The following DOCK2 variants were observed in gnomAD, a reference collection of about 807,000 sequenced individuals.
The protein encoded by DOCK2 is dedicator of cytokinesis 2.
A neutral mutation model predicts 248.9 loss-of-function variants in DOCK2; 87 were observed. That is an observed-to-expected ratio of 0.35 (90% confidence interval 0.29 to 0.42). DOCK2 has a LOEUF of 0.42. Ranked by LOEUF, DOCK2 falls within the 10% of genes least tolerant of loss-of-function variation. The probability of loss-of-function intolerance (pLI) is 1.00; values close to 1 mark genes in which losing one functional copy is unlikely to be tolerated. For missense variants in DOCK2, 1,747 were observed against 2,300.2 expected (o/e 0.76, Z 4.92); for synonymous variants, 805 against 821.6 (o/e 0.98, Z 0.35).
chr5:169,650,734 T>C (rs545202099), intron 1 of DOCK2, among the ~76,000 whole-genome samples: 1 of 152,204 alleles, frequency 6.6e-6, no homozygotes, highest in Non-Finnish European at 1.5e-5. Flanking sequence ...AACATCCCTT[T>C]GATCCTTGGC....
At chr5:170,062,141 G>GAC (rs1561903949) in intron 44 of DOCK2, among the ~76,000 whole-genome samples, 1 of 151,578 alleles carries the variant, frequency 6.6e-6, no homozygotes, top group African/African-American at 2.4e-5. Flanking sequence ...GAGAGAGAGA[G>GAC]AGAGAGACAG....
At position 169,882,147 on chromosome 5, in the gene DOCK2, A is replaced by G. The variant is rs1025345170; in HGVS notation, c.2799+41295A>G. Reference sequence around the variant, plus strand: ...TGGCCATCTCAAGTCCTTTGTCACAATGACATGAAGAACAGAAATACTGTA... The same window carrying G: ...TGGCCATCTCAAGTCCTTTGTCACAGTGACATGAAGAACAGAAATACTGTA... On this transcript the variant is annotated intron_variant, in intron 27 of 51. Coordinates refer to ENST00000520908, the MANE Select transcript of DOCK2 (RefSeq NM_004946.3). 3.3e-5 allele frequency among the ~76,000 whole-genome samples: 5 copies of G among 152,194 alleles called. No individual in the cohort carries two copies. The South Asian group carries it at 8.3e-4, about 25-fold the overall frequency.
At chr5:169,826,770 A>G (rs1226348205) in intron 26 of DOCK2, among the ~76,000 whole-genome samples, 10 of 152,132 alleles carry the variant, frequency 6.6e-5, no homozygotes. Context: ...GCAAAGAACT[A>G]TGTTGCATGT....
chr5:169,649,510 C>T (rs1024213585), intron 1 of DOCK2, among the ~76,000 whole-genome samples: 1 of 152,182 alleles, frequency 6.6e-6, no homozygotes, highest in Non-Finnish European at 1.5e-5. Flanking sequence ...GTGGGCCAGG[C>T]GCTAGGAATT....
chr5:170,027,055 C>G (rs1755944575), intron 33 of DOCK2, among the ~76,000 whole-genome samples: 1 of 119,610 alleles, frequency 8.4e-6, no homozygotes, highest in African/African-American at 3.6e-5. Context: ...GTATCTTCCC[C>G]TCTCTGCTTG....
At chr5:169,828,587 GGTATTTTCACT>G (rs1370525921) in intron 26 of DOCK2, among the ~76,000 whole-genome samples, 1 of 152,086 alleles carries the variant, frequency 6.6e-6, no homozygotes, top group African/African-American at 2.4e-5. Context: ...GATGATTAAG[GGTATTTTCACT>G]GTAGGAAGGA....
chr5:169,641,263 T>G lies in DOCK2; in HGVS notation c.43+3894T>G, dbSNP rs76600560. On this transcript the variant is annotated intron_variant, in intron 1 of 51. Transcript: ENST00000520908. The stretch of plus-strand genomic sequence containing the variant: ...TGGGAGTTGAGACTCCAACGTCTCT[T>G]TTTTTGGAGGGGGAGGGCACAATTC... Among the ~76,000 whole-genome samples the G allele has an allele frequency of 3.0e-3, 454 of 152,320 alleles. 2 individuals are homozygous for G. Among genetic ancestry groups the G allele is most frequent in the African/African-American group, 0.01 (431 of 41,566 alleles).
At chr5:169,708,316 C>G (rs769394835) in intron 15 of DOCK2, 49 bp downstream of exon 15, 1 of 1,550,188 alleles carries the variant, frequency 6.5e-7, no homozygotes, top group East Asian at 2.3e-5. Context: ...TTACCATGAA[C>G]CAGGCACTGT....
chr5:169,923,445 T>A (rs1394586676), intron 27 of DOCK2, among the ~76,000 whole-genome samples: 1 of 152,120 alleles, frequency 6.6e-6, no homozygotes, highest in African/African-American at 2.4e-5. Context: ...TAGCAACCTA[T>A]TTGTTAGCAG....
intron 22 of DOCK2, among the ~76,000 whole-genome samples, chr5:169,721,240 G>C (rs1050168334): frequency 6.6e-6 from 1 of 152,190 alleles, no homozygotes; most frequent in Non-Finnish European, 1.5e-5. Flanking sequence ...ATTCCTTGCT[G>C]TATCCCTAGA....
intron 36 of DOCK2, among the ~76,000 whole-genome samples, chr5:170,038,096 G>T (rs779323352): frequency 3.9e-5 from 6 of 152,206 alleles, no homozygotes; most frequent in Non-Finnish European, 8.8e-5. Flanking sequence ...AAGCTTTGGG[G>T]TCTGAAGGAC....
chr5:169,729,370 T>G (rs1337070884), intron 22 of DOCK2, among the ~76,000 whole-genome samples: 1 of 152,194 alleles, frequency 6.6e-6, no homozygotes, highest in Non-Finnish European at 1.5e-5. Context: ...CTCATTGGGC[T>G]TGTTATTTAT....
intron 27 of DOCK2, among the ~76,000 whole-genome samples, chr5:169,923,861 C>G (rs1775301840): frequency 6.6e-6 from 1 of 152,166 alleles, no homozygotes; most frequent in African/African-American, 2.4e-5. Context: ...ATCCTGCAGG[C>G]CTCAGCCAGT....
chr5:169,829,211 A>G (rs1769071005), intron 26 of DOCK2, among the ~76,000 whole-genome samples: 1 of 152,096 alleles, frequency 6.6e-6, no homozygotes, highest in African/African-American at 2.4e-5. Flanking sequence ...AATAGTTGCA[A>G]AAATTTTCAT....
At chr5:170,022,956 G>C (rs2113825668) in intron 33 of DOCK2, among the ~76,000 whole-genome samples, 1 of 152,316 alleles carries the variant, frequency 6.6e-6, no homozygotes, top group South Asian at 2.1e-4. Flanking sequence ...TTATAAACTA[G>C]AATAATGGGG....
intron 23 of DOCK2, among the ~76,000 whole-genome samples, chr5:169,757,280 G>C (rs139317100): frequency 6.6e-6 from 1 of 152,118 alleles, no homozygotes; most frequent in African/African-American, 2.4e-5. Flanking sequence ...GACCAACTAG[G>C]TTGGAATGTA....
In DOCK2 at chr5:170,083,177, A is replaced by G. The variant is rs114945769; in HGVS notation, c.*319A>G. On this transcript the variant is annotated 3_prime_UTR_variant, in exon 52 of 52. Coordinates refer to ENST00000520908, the MANE Select transcript of DOCK2 (RefSeq NM_004946.3). ...TTTCATAACCCAGTTTCTTAGGTGT[A>G]AGAAACTGTTTTTATCTCATTTATT... 859 of 289,712 alleles carry G rather than the reference A, an allele frequency of 3.0e-3. 3 individuals carry two copies. The highest frequency in any genetic ancestry group is 0.017 in the African/African-American group (816 of 46,924). 17.9% of individuals were successfully genotyped at this position (289,712 alleles called of 1,614,324 possible).
At chr5:169,924,450 G>A (rs1775333560) in intron 27 of DOCK2, among the ~76,000 whole-genome samples, 1 of 152,136 alleles carries the variant, frequency 6.6e-6, no homozygotes, top group African/African-American at 2.4e-5. Context: ...TTTCCCTGTT[G>A]TGTTTTCTCC....
In DOCK2 at chr5:169,652,193, G is replaced by C. The variant is rs1442103250; in HGVS notation, c.44-2210G>C. 2.6e-5 allele frequency among the ~76,000 whole-genome samples: 4 copies of C among 152,212 alleles called. No individual in the cohort carries two copies. The East Asian group carries it at 7.7e-4, about 29-fold the overall frequency. Reference sequence around the variant, plus strand: ...AGTGCCTTTGTGTGGATTACAAAAAGATATCCTTCCTCTGGTGGGCACAGT... The same window carrying C: ...AGTGCCTTTGTGTGGATTACAAAAACATATCCTTCCTCTGGTGGGCACAGT... On this transcript the variant is annotated intron_variant, in intron 1 of 51. Coordinates refer to ENST00000520908, the MANE Select transcript of DOCK2 (RefSeq NM_004946.3).
Sources: allele counts gnomAD v4.1 joint callset (sites outside exome capture counted in the v4.1 genomes callset), GRCh38; gene constraint gnomAD v4.1.1; transcripts MANE v1.5; gene names NCBI Gene and HGNC (gene_info 2026-07-23, HGNC 2026-07-21).